PTN: variants seen among roughly 807,000 people sequenced by gnomAD.
PTN encodes the protein pleiotrophin.
Under a neutral mutation model 24.1 loss-of-function variants are expected in PTN, and 18 were observed. That is an observed-to-expected ratio of 0.75 (90% CI 0.52 to 1.11). PTN has a LOEUF of 1.11. Ranked by LOEUF, PTN falls within the 50% of genes least tolerant of loss-of-function variation. PTN has a pLI of 0.00. For synonymous variants in PTN, 78 were observed against 68.6 expected, an observed-to-expected ratio of 1.14 and a Z score of -0.67; for missense variants, 163 against 198.8, an observed-to-expected ratio of 0.82 and a Z score of 1.08.
chr7:137,284,117 G>A (rs1809517590), intron 1 of PTN, among the ~76,000 whole-genome samples: 1 of 151,460 alleles, frequency 6.6e-6, no homozygotes, highest in Non-Finnish European at 1.5e-5. Flanking sequence ...ACAGAAGCCC[G>A]CCACCACTCC....
chr7:137,235,334 G>A (rs1210363412), intron 4 of PTN, among the ~76,000 whole-genome samples: 1 of 152,074 alleles, frequency 6.6e-6, no homozygotes, highest in Admixed American at 6.6e-5. Context: ...TGATAACAAG[G>A]CTTGTCGAAT....
chr7:137,313,543 C>A (rs1175837115), intron 1 of PTN, among the ~76,000 whole-genome samples: 1 of 152,140 alleles, frequency 6.6e-6, no homozygotes, highest in Non-Finnish European at 1.5e-5. Flanking sequence ...CTTAATCGAT[C>A]CCTCACTGTT....
At chr7:137,318,800 C>G (rs901600865) in intron 1 of PTN, 3 of 152,106 alleles carry the variant, frequency 2.0e-5, no homozygotes, top group Admixed American at 1.3e-4. Context: ...ACTTAACCTG[C>G]CTGAGACCTC....
intron 1 of PTN, among the ~76,000 whole-genome samples, chr7:137,295,254 G>A (rs1353728680): frequency 6.6e-6 from 1 of 152,150 alleles, no homozygotes; most frequent in African/African-American, 2.4e-5. Flanking sequence ...GGCCTCTGTG[G>A]AGCTTGAAGT....
chr7:137,315,083 T>C (rs1810048791), intron 1 of PTN, among the ~76,000 whole-genome samples: 2 of 152,092 alleles, frequency 1.3e-5, no homozygotes, highest in African/African-American at 4.8e-5. Flanking sequence ...CGCTCATAGA[T>C]AGGATAGAGG....
chr7:137,324,433 A>ATATATATATATATAT (rs1554383234), intron 1 of PTN, among the ~76,000 whole-genome samples: 4 of 88,802 alleles, frequency 4.5e-5, no homozygotes, highest in African/African-American at 2.8e-4. Context: ...AAAAAAAAAA[A>ATATATATATATATAT]ATATATATAT....
At chr7:137,264,556 A>G (rs550795853) in intron 1 of PTN, among the ~76,000 whole-genome samples, 2 of 152,100 alleles carry the variant, frequency 1.3e-5, no homozygotes, top group African/African-American at 4.8e-5. Flanking sequence ...CTCCCAGTCT[A>G]CTGATGTTTA....
intron 1 of PTN, among the ~76,000 whole-genome samples, chr7:137,305,567 G>T (rs899742135): frequency 6.6e-6 from 1 of 151,980 alleles, no homozygotes; most frequent in South Asian, 2.1e-4. Context: ...ATCTCATCAG[G>T]ATATGTGGCA....
chr7:137,294,095 A>T (rs1809682259), intron 1 of PTN, among the ~76,000 whole-genome samples: 1 of 152,172 alleles, frequency 6.6e-6, no homozygotes, highest in Non-Finnish European at 1.5e-5. Flanking sequence ...GAAAGGAATA[A>T]TACTCATTTA....
At chr7:137,277,262 G>A (rs770850046) in intron 1 of PTN, among the ~76,000 whole-genome samples, 9 of 152,124 alleles carry the variant, frequency 5.9e-5, no homozygotes, top group Non-Finnish European at 1.0e-4. Context: ...TTCACAGACT[G>A]ACCAAACCAA....
chr7:137,293,302 G>A (rs974420654), intron 1 of PTN, among the ~76,000 whole-genome samples: 3 of 152,110 alleles, frequency 2.0e-5, no homozygotes, highest in Non-Finnish European at 4.4e-5. Context: ...TGACTGACGG[G>A]ATGAGACACA....
chr7:137,228,757 T>C (rs1030462034), intron 4 of PTN, among the ~76,000 whole-genome samples: 1 of 151,908 alleles, frequency 6.6e-6, no homozygotes, highest in Non-Finnish European at 1.5e-5. Flanking sequence ...AAGACTCCAT[T>C]CTTTTCCATT....
At chr7:137,291,615 T>C (rs17603699) in intron 1 of PTN, among the ~76,000 whole-genome samples, 57 of 152,154 alleles carry the variant, frequency 3.7e-4, no homozygotes, top group Admixed American at 7.2e-4. Flanking sequence ...GAGTATCAAG[T>C]GCCAGTTGAC....
rs753374720 is a variant in PTN, at chr7:137,283,952, A to ATTTTTTTTTTTTTTTTTTTTTTTTT, written c.-1-29003_-1-28979dup. Among the ~76,000 whole-genome samples, 6 of 48,922 alleles carry ATTTTTTTTTTTTTTTTTTTTTTTTT rather than the reference A, an allele frequency of 1.2e-4. 1 individual carries two copies. Among genetic ancestry groups the ATTTTTTTTTTTTTTTTTTTTTTTTT allele is most frequent in the African/African-American group, 1.9e-4 (2 of 10,352 alleles). 32.1% of individuals were successfully genotyped at this position (48,922 alleles called of 152,430 possible). ...AAATGAATGTGAAAATGAGCATCAG[A>ATTTTTTTTTTTTTTTTTTTTTTTTT]TTTTTTTTTTTTTTTTTTTTTTTTT... On this transcript the variant is annotated intron_variant, in intron 1 of 4. Transcript: ENST00000348225.
chr7:137,327,705 T>C (rs1159753123), intron 1 of PTN, among the ~76,000 whole-genome samples: 2 of 152,128 alleles, frequency 1.3e-5, no homozygotes, highest in Non-Finnish European at 2.9e-5. Context: ...ATGTCTTCCT[T>C]CTCTGAAAAA....
chr7:137,254,794 CA>C (rs901654874), intron 2 of PTN, 64 bp downstream of exon 2: 32 of 1,076,872 alleles, frequency 3.0e-5, no homozygotes, highest in Non-Finnish European at 3.9e-5. Flanking sequence ...GAAGGAAAAG[CA>C]GGTAATTAGA....
Position 137,343,525 on chromosome 7 carries a change from C to T in PTN, c.-88G>A, listed in dbSNP as rs1057453740. ...TACCGCTGAGTCCAGGTACCCGGCT[C>T]GCTGCAGCTCCTGCTTGGGCCGCTG... On this transcript the variant is annotated 5_prime_UTR_variant, in exon 1 of 5. Coordinates refer to ENST00000348225, the MANE Select transcript of PTN (RefSeq NM_002825.7). 1 of 518,826 alleles carries T rather than the reference C, an allele frequency of 1.9e-6. No individual in the cohort carries two copies. The highest frequency in any genetic ancestry group is 1.9e-5 in the African/African-American group (1 of 51,938). 32.1% of individuals were successfully genotyped at this position (518,826 alleles called of 1,614,324 possible). A position where few individuals can be genotyped will look rare whatever the true frequency, so the allele number is the denominator to read the frequency against.
intron 1 of PTN, among the ~76,000 whole-genome samples, chr7:137,328,979 G>C (rs1157076296): frequency 2.0e-5 from 3 of 152,164 alleles, no homozygotes; most frequent in Non-Finnish European, 4.4e-5. Flanking sequence ...ACATTGAATA[G>C]GGGAATGGAG....
chr7:137,284,815 T>G (rs1227505281), intron 1 of PTN, among the ~76,000 whole-genome samples: 1 of 152,160 alleles, frequency 6.6e-6, no homozygotes, highest in East Asian at 1.9e-4. Flanking sequence ...TCAAAAGGAT[T>G]CTAGTTCAAG....
Sources: allele counts gnomAD v4.1 joint callset (sites outside exome capture counted in the v4.1 genomes callset), GRCh38; gene constraint gnomAD v4.1.1; transcripts MANE v1.5; gene names NCBI Gene and HGNC (gene_info 2026-07-23, HGNC 2026-07-21).